Variants in AFG2A observed in about 807,000 individuals in gnomAD.
AFG2A encodes the protein ATPase family gene 2 protein homolog A.
chr4:123,207,440 G>A, the AFG2A span, among the ~76,000 whole-genome samples: 1 of 151,832 alleles, frequency 6.6e-6, no homozygotes, highest in African/African-American at 2.4e-5. Flanking sequence ...CAGCCTCCTG[G>A]GTAGCTAGGA....
chr4:123,062,735 G>A, the AFG2A span, among the ~76,000 whole-genome samples: 1 of 152,198 alleles, frequency 6.6e-6, no homozygotes. Context: ...ACATACAAAA[G>A]TTAGAGTAAA....
the AFG2A span, among the ~76,000 whole-genome samples, chr4:123,071,821 G>C: frequency 0.012 from 1,837 of 152,240 alleles, 42 homozygotes; most frequent in African/African-American, 0.041. Flanking sequence ...TGATAAGCTA[G>C]ATTACTCAAG....
At chr4:123,287,266 G>A in the AFG2A span, among the ~76,000 whole-genome samples, 1 of 152,042 alleles carries the variant, frequency 6.6e-6, no homozygotes, top group Non-Finnish European at 1.5e-5. Context: ...TTTTTATTTG[G>A]CTACTAGCTA....
chr4:123,260,520 C>T, the AFG2A span, among the ~76,000 whole-genome samples: 19 of 152,182 alleles, frequency 1.2e-4, no homozygotes, highest in Non-Finnish European at 2.9e-5. Flanking sequence ...TTTTCTGTCT[C>T]ACTGATTAAC....
chr4:122,989,570 C>CT, the AFG2A span, among the ~76,000 whole-genome samples: 2 of 152,068 alleles, frequency 1.3e-5, no homozygotes, highest in African/African-American at 4.8e-5. Flanking sequence ...AGCCTGAGAC[C>CT]AGCCTGGGTC....
At chr4:122,951,622 C>T in the AFG2A span, among the ~76,000 whole-genome samples, 1 of 152,200 alleles carries the variant, frequency 6.6e-6, no homozygotes, top group African/African-American at 2.4e-5. Context: ...GACAGCCCAC[C>T]TGTGAGTACA....
At chr4:122,977,019 C>T in the AFG2A span, among the ~76,000 whole-genome samples, 3 of 152,166 alleles carry the variant, frequency 2.0e-5, no homozygotes, top group Non-Finnish European at 4.4e-5. Context: ...TCTTCACATT[C>T]TTCCACCTCT....
chr4:123,091,655 T>G, the AFG2A span, among the ~76,000 whole-genome samples: 1 of 152,184 alleles, frequency 6.6e-6, no homozygotes, highest in African/African-American at 2.4e-5. Flanking sequence ...TTTTAAGAAG[T>G]TAGTCAGGCT....
chr4:123,090,980 AAGGTT>A, the AFG2A span, among the ~76,000 whole-genome samples: 4 of 152,226 alleles, frequency 2.6e-5, no homozygotes, highest in Non-Finnish European at 5.9e-5. Flanking sequence ...CTAGTCTCTC[AAGGTT>A]CAGGAAAACT....
At chr4:123,023,763 G>A in the AFG2A span, among the ~76,000 whole-genome samples, 2 of 152,068 alleles carry the variant, frequency 1.3e-5, no homozygotes, top group Admixed American at 6.5e-5. Context: ...CCTCCGAGCC[G>A]GTTAGGCTAC....
the AFG2A span, among the ~76,000 whole-genome samples, chr4:123,200,619 T>C: frequency 6.6e-6 from 1 of 152,228 alleles, no homozygotes; most frequent in Non-Finnish European, 1.5e-5. Flanking sequence ...AATAGCTCTT[T>C]TCATTGTTTG....
the AFG2A span, among the ~76,000 whole-genome samples, chr4:123,140,209 GAT>G: frequency 6.6e-6 from 1 of 152,050 alleles, no homozygotes; most frequent in Non-Finnish European, 1.5e-5. Flanking sequence ...TAAAGCTGTT[GAT>G]ACGGGAGAAT....
the AFG2A span, among the ~76,000 whole-genome samples, chr4:123,146,194 A>T: frequency 1.3e-5 from 2 of 152,200 alleles, no homozygotes; most frequent in Non-Finnish European, 2.9e-5. Context: ...CATATACAAG[A>T]TCTCAGAAAA....
the AFG2A span, among the ~76,000 whole-genome samples, chr4:123,298,201 A>G: frequency 6.6e-6 from 1 of 152,194 alleles, no homozygotes; most frequent in Non-Finnish European, 1.5e-5. Context: ...GACTGAGCCA[A>G]TCAGAGACTT....
the AFG2A span, among the ~76,000 whole-genome samples, chr4:123,001,429 T>C: frequency 4.6e-5 from 7 of 151,988 alleles, no homozygotes; most frequent in East Asian, 1.9e-4. Flanking sequence ...CTGCTTTCTC[T>C]TGTGGGCATT....
At chr4:122,980,284 C>T in the AFG2A span, among the ~76,000 whole-genome samples, 1 of 152,122 alleles carries the variant, frequency 6.6e-6, no homozygotes, top group African/African-American at 2.4e-5. Flanking sequence ...GCATAATGTT[C>T]CCCAGATTCA....
At chr4:123,164,739 G>A in the AFG2A span, among the ~76,000 whole-genome samples, 1 of 151,978 alleles carries the variant, frequency 6.6e-6, no homozygotes, top group Admixed American at 6.6e-5. Context: ...AATTTTCTTA[G>A]CATTTTTAAT....
the AFG2A span, among the ~76,000 whole-genome samples, chr4:123,284,502 T>C: frequency 6.6e-6 from 1 of 152,218 alleles, no homozygotes; most frequent in African/African-American, 2.4e-5. Flanking sequence ...AGAATACTTC[T>C]AGGTGTAATA....
the AFG2A span, among the ~76,000 whole-genome samples, chr4:123,128,980 A>G: frequency 6.6e-6 from 1 of 151,936 alleles, no homozygotes; most frequent in Non-Finnish European, 1.5e-5. Flanking sequence ...GCTTTTTTTC[A>G]TCTTGAAGTT....
Sources: allele counts gnomAD v4.1 joint callset (sites outside exome capture counted in the v4.1 genomes callset), GRCh38; gene constraint gnomAD v4.1.1; transcripts MANE v1.5; gene names NCBI Gene and HGNC (gene_info 2026-07-23, HGNC 2026-07-21).